NINJ2: variants seen among roughly 807,000 people sequenced by gnomAD.
NINJ2 encodes ninjurin 2.
NINJ2 carries 12 observed loss-of-function variants against 11.7 expected under a neutral mutation model. The ratio of observed to expected loss-of-function variants is 1.02; its 90% CI spans 0.66 to 1.66. The LOEUF (loss-of-function observed/expected upper bound fraction) is 1.66. Ranked by LOEUF, NINJ2 falls within the 40% of genes most tolerant of loss-of-function variation. The probability of loss-of-function intolerance (pLI) is 0.00; values close to 1 mark genes in which losing one functional copy is unlikely to be tolerated. For synonymous variants in NINJ2, 93 were observed against 76.8 expected (o/e 1.21, Z -1.10); for missense variants, 187 against 181.8 (o/e 1.03, Z -0.16).
At chr12:650,990 G>A (rs777975488) in intron 1 of NINJ2, among the ~76,000 whole-genome samples, 2 of 152,262 alleles carry the variant, frequency 1.3e-5, no homozygotes, top group Non-Finnish European at 2.9e-5. Flanking sequence ...AATTCTCCTC[G>A]GGAGTTAGTG....
rs4017978 is a variant in NINJ2 at position 648,996 on chromosome 12, G to GTCTATCTATCTATCTATCTA, written c.33+14312_33+14331dup. Among the ~76,000 whole-genome samples, 453 of 148,996 alleles carry GTCTATCTATCTATCTATCTA rather than the reference G, an allele frequency of 3.0e-3. 5 individuals carry two copies. Among genetic ancestry groups the GTCTATCTATCTATCTATCTA allele is most frequent in the African/African-American group, 0.01 (405 of 40,258 alleles). ...CATCCACCTATCTATCTATCTATCT[G>GTCTATCTATCTATCTATCTA]TCTATCTATCTATCTATCTATCTAT... On this transcript the variant is annotated intron_variant, in intron 1 of 3. Coordinates refer to ENST00000305108, the MANE Select transcript of NINJ2 (RefSeq NM_016533.6).
chr12:587,000 C>T (rs985585492), intron 1 of NINJ2, among the ~76,000 whole-genome samples: 1 of 152,212 alleles, frequency 6.6e-6, no homozygotes, highest in Non-Finnish European at 1.5e-5. Context: ...TGGTAGAACC[C>T]CTGCCAGTGC....
At chr12:645,758 G>C (rs1487929933) in intron 1 of NINJ2, 1 of 152,212 alleles carries the variant, frequency 6.6e-6, no homozygotes, top group Non-Finnish European at 1.5e-5. Context: ...ATACTCTGCT[G>C]TGGCGCCACT....
At chr12:607,824 G>C (rs991507420) in intron 1 of NINJ2, among the ~76,000 whole-genome samples, 3 of 152,210 alleles carry the variant, frequency 2.0e-5, no homozygotes, top group African/African-American at 7.2e-5. Context: ...GGGGATGAGA[G>C]GAGGCTGGGG....
intron 1 of NINJ2, among the ~76,000 whole-genome samples, chr12:601,969 C>T (rs116981135): frequency 0.013 from 1,912 of 152,314 alleles, 14 homozygotes; most frequent in Middle Eastern, 0.024. Context: ...TGATACACAC[C>T]ATTTTAAGGT....
chr12:660,136 A>T (rs897874312), intron 1 of NINJ2, among the ~76,000 whole-genome samples: 1 of 151,744 alleles, frequency 6.6e-6, no homozygotes, highest in Non-Finnish European at 1.5e-5. Context: ...AAGAAAAAAA[A>T]AATTAGCTGG....
chr12:660,289 TAAAAAAA>T (rs776762900), intron 1 of NINJ2, among the ~76,000 whole-genome samples: 2 of 107,732 alleles, frequency 1.9e-5, no homozygotes, highest in Non-Finnish European at 3.7e-5. Flanking sequence ...TCCTGTCTGT[TAAAAAAA>T]AAAAAAAAAA....
chr12:619,016 C>T (rs1948124078), intron 1 of NINJ2, among the ~76,000 whole-genome samples: 1 of 152,170 alleles, frequency 6.6e-6, no homozygotes, highest in Non-Finnish European at 1.5e-5. Context: ...CTGACAGGGG[C>T]AGCAAAACTA....
intron 1 of NINJ2, among the ~76,000 whole-genome samples, chr12:576,632 T>A (rs917799398): frequency 9.9e-5 from 15 of 152,222 alleles, no homozygotes; most frequent in Admixed American, 4.6e-4. Context: ...GTGCCGGGGC[T>A]GCAGGCGCGA....
intron 1 of NINJ2, among the ~76,000 whole-genome samples, chr12:656,824 C>T (rs1937879843): frequency 6.6e-6 from 1 of 151,306 alleles, no homozygotes; most frequent in South Asian, 2.1e-4. Context: ...ACAAATAGAT[C>T]AATGGAACAG....
chr12:611,133 G>A (rs377564267), intron 1 of NINJ2, among the ~76,000 whole-genome samples: 53 of 152,314 alleles, frequency 3.5e-4, no homozygotes, highest in African/African-American at 1.2e-3. Flanking sequence ...GATAGAGGAA[G>A]AGGCACATCA....
intron 1 of NINJ2, among the ~76,000 whole-genome samples, chr12:567,135 C>G (rs1476580868): frequency 6.6e-6 from 1 of 152,136 alleles, no homozygotes; most frequent in Non-Finnish European, 1.5e-5. Context: ...CAAGGTGAGA[C>G]AGGAAGGAAT....
chr12:578,038 C>T (rs1015278486), intron 1 of NINJ2, among the ~76,000 whole-genome samples: 14 of 152,128 alleles, frequency 9.2e-5, no homozygotes, highest in African/African-American at 2.9e-4. Context: ...TACCCTGGGC[C>T]TGGTAGTTAA....
intron 1 of NINJ2, among the ~76,000 whole-genome samples, chr12:582,221 G>A (rs1269549484): frequency 2.0e-5 from 3 of 152,272 alleles, no homozygotes; most frequent in Non-Finnish European, 4.4e-5. Context: ...TTGGCTGGGA[G>A]CGTGTGCTCA....
At chr12:659,805 C>T (rs1232408892) in intron 1 of NINJ2, among the ~76,000 whole-genome samples, 1 of 152,206 alleles carries the variant, frequency 6.6e-6, no homozygotes, top group African/African-American at 2.4e-5. Context: ...TTCAACGTCT[C>T]AGTGCAGTAG....
chr12:642,498 A>G (rs12818223), intron 1 of NINJ2, among the ~76,000 whole-genome samples: 124,424 of 151,964 alleles, frequency 0.82, 51,149 homozygotes, highest in Non-Finnish European at 0.85. Context: ...AAAGTGCTGG[A>G]ATTACCGGCG....
intron 1 of NINJ2, among the ~76,000 whole-genome samples, chr12:590,114 T>C (rs1947698699): frequency 6.6e-6 from 1 of 152,184 alleles, no homozygotes; most frequent in African/African-American, 2.4e-5. Flanking sequence ...ATTTTCGTTA[T>C]TTTCTGTAGA....
intron 1 of NINJ2, chr12:643,214 C>T (rs1287988550): frequency 1.3e-5 from 2 of 157,774 alleles, no homozygotes; most frequent in Non-Finnish European, 2.8e-5. Context: ...CACCCCAGGC[C>T]CGTTCTTCTG....
chr12:634,144 G>A (rs371715445), intron 1 of NINJ2, among the ~76,000 whole-genome samples: 1 of 151,544 alleles, frequency 6.6e-6, no homozygotes, highest in African/African-American at 2.4e-5. Flanking sequence ...ACCAAGTCAC[G>A]CCTTGATATA....
Sources: allele counts gnomAD v4.1 joint callset (sites outside exome capture counted in the v4.1 genomes callset), GRCh38; gene constraint gnomAD v4.1.1; transcripts MANE v1.5; gene names NCBI Gene and HGNC (gene_info 2026-07-23, HGNC 2026-07-21).